GALNT13: variants seen among roughly 807,000 people sequenced by gnomAD.
GALNT13 encodes polypeptide N-acetylgalactosaminyltransferase 13.
Under a neutral mutation model 64.2 loss-of-function variants are expected in GALNT13, and 28 were observed. That is an observed-to-expected ratio of 0.44 (90% CI 0.32 to 0.60). The LOEUF is 0.60. Ranked by LOEUF, GALNT13 falls within the 20% of genes least tolerant of loss-of-function variation. The pLI is 0.05. For missense variants in GALNT13, 577 were observed against 669.8 expected (o/e 0.86, Z 1.53); for synonymous variants, 214 against 224.6 (o/e 0.95, Z 0.42).
intron 4 of GALNT13, among the ~76,000 whole-genome samples, chr2:154,165,869 C>T (rs1684993801): frequency 6.6e-6 from 1 of 152,156 alleles, no homozygotes; most frequent in South Asian, 2.1e-4. Context: ...GGGTCAAACT[C>T]CACAGGTGGA....
chr2:153,283,688 T>A, the GALNT13 span, among the ~76,000 whole-genome samples: 7 of 151,606 alleles, frequency 4.6e-5, no homozygotes, highest in Non-Finnish European at 1.0e-4. Context: ...TGCCTGGAGA[T>A]CTGCTCGGGC....
chr2:154,209,333 G>A (rs1687642946), intron 4 of GALNT13, among the ~76,000 whole-genome samples: 1 of 152,064 alleles, frequency 6.6e-6, no homozygotes, highest in Non-Finnish European at 1.5e-5. Context: ...TGAAAGCTAA[G>A]GATTTTTTCT....
the GALNT13 span, among the ~76,000 whole-genome samples, chr2:153,076,120 T>C: frequency 2.6e-5 from 4 of 152,124 alleles, no homozygotes; most frequent in Non-Finnish European, 5.9e-5. Flanking sequence ...TTGGGGTAGA[T>C]TTCTGAAAAT....
At chr2:154,265,018 T>C (rs1216469252) in intron 8 of GALNT13, among the ~76,000 whole-genome samples, 4 of 151,208 alleles carry the variant, frequency 2.6e-5, no homozygotes, top group East Asian at 1.9e-4. Flanking sequence ...AAAATTTGTT[T>C]CCTTGAGATC....
chr2:153,370,072 A>G, the GALNT13 span, among the ~76,000 whole-genome samples: 1 of 152,192 alleles, frequency 6.6e-6, no homozygotes, highest in Non-Finnish European at 1.5e-5. Flanking sequence ...AAAGAATTCT[A>G]TGCCCATAAA....
At chr2:153,372,992 T>A in the GALNT13 span, among the ~76,000 whole-genome samples, 2 of 152,220 alleles carry the variant, frequency 1.3e-5, no homozygotes, top group African/African-American at 4.8e-5. Context: ...TGGAGTTGCA[T>A]AAGACAGTAG....
intron 2 of GALNT13, among the ~76,000 whole-genome samples, chr2:153,938,428 A>T (rs1455742144): frequency 1.3e-5 from 2 of 152,088 alleles, no homozygotes; most frequent in Non-Finnish European, 2.9e-5. Context: ...ATTGATTTGG[A>T]CTCCACTGCA....
chr2:154,295,734 A>T (rs1327044486), intron 8 of GALNT13, among the ~76,000 whole-genome samples: 1 of 152,010 alleles, frequency 6.6e-6, no homozygotes, highest in African/African-American at 2.4e-5. Flanking sequence ...CATAGCTCAC[A>T]TTCTCTTCTC....
At chr2:153,539,969 C>T in the GALNT13 span, among the ~76,000 whole-genome samples, 1 of 152,170 alleles carries the variant, frequency 6.6e-6, no homozygotes, top group East Asian at 1.9e-4. Flanking sequence ...AACCCATTTT[C>T]TGGGGAGAAA....
intron 3 of GALNT13, among the ~76,000 whole-genome samples, chr2:153,990,640 C>T (rs1356804139): frequency 3.3e-5 from 5 of 151,980 alleles, no homozygotes; most frequent in African/African-American, 4.8e-5. Context: ...TTGAGTGGGG[C>T]TCTGTGACTT....
chr2:154,250,278 C>A (rs1446747122), intron 7 of GALNT13, among the ~76,000 whole-genome samples: 2 of 152,038 alleles, frequency 1.3e-5, no homozygotes, highest in Non-Finnish European at 2.9e-5. Flanking sequence ...AATGAGCCAT[C>A]TCTTTTAGAA....
chr2:154,321,333 A>G (rs967597695), intron 9 of GALNT13, among the ~76,000 whole-genome samples: 16 of 152,158 alleles, frequency 1.1e-4, no homozygotes, highest in Non-Finnish European at 2.1e-4. Context: ...CTATCCTATA[A>G]TCTTTGTCAA....
At chr2:154,093,529 A>G (rs1383677441) in intron 3 of GALNT13, among the ~76,000 whole-genome samples, 1 of 152,048 alleles carries the variant, frequency 6.6e-6, no homozygotes, top group Non-Finnish European at 1.5e-5. Context: ...AAGAAGGAAA[A>G]CAGTTCAAAC....
the GALNT13 span, among the ~76,000 whole-genome samples, chr2:153,117,892 C>T: frequency 6.6e-6 from 1 of 152,254 alleles, no homozygotes; most frequent in African/African-American, 2.4e-5. Flanking sequence ...AGCAGTCCCT[C>T]TGCCGTGCCT....
intron 4 of GALNT13, among the ~76,000 whole-genome samples, chr2:154,162,570 A>G (rs1317126332): frequency 1.3e-5 from 2 of 152,208 alleles, no homozygotes; most frequent in East Asian, 3.9e-4. Context: ...CTTCATATTC[A>G]TTTCGAATGA....
the GALNT13 span, among the ~76,000 whole-genome samples, chr2:153,453,912 T>G: frequency 2.0e-5 from 3 of 152,188 alleles, no homozygotes; most frequent in East Asian, 5.8e-4. Flanking sequence ...GTAGTACATA[T>G]ACACCATAGA....
intron 3 of GALNT13, among the ~76,000 whole-genome samples, chr2:154,013,745 T>C (rs890135634): frequency 6.6e-6 from 1 of 152,086 alleles, no homozygotes; most frequent in Non-Finnish European, 1.5e-5. Context: ...AGTGTGCTCA[T>C]GACAGCAGCG....
the GALNT13 span, among the ~76,000 whole-genome samples, chr2:153,601,847 A>G: frequency 6.6e-6 from 1 of 151,912 alleles, no homozygotes; most frequent in Admixed American, 6.6e-5. Flanking sequence ...TAATATATAC[A>G]CCAAGAAATC....
chr2:154,398,995 T>C (rs1699178859), intron 10 of GALNT13, among the ~76,000 whole-genome samples: 1 of 152,228 alleles, frequency 6.6e-6, no homozygotes, highest in Admixed American at 6.5e-5. Context: ...GTCACACAGC[T>C]AGTTAACTAT....
Sources: allele counts gnomAD v4.1 joint callset (sites outside exome capture counted in the v4.1 genomes callset), GRCh38; gene constraint gnomAD v4.1.1; transcripts MANE v1.5; gene names NCBI Gene and HGNC (gene_info 2026-07-23, HGNC 2026-07-21).